Variants in ARHGAP42 observed in about 807,000 individuals in gnomAD.
ARHGAP42 encodes the protein Rho GTPase activating protein 42, also known as rho GTPase-activating protein 42.
In ARHGAP42, 63 loss-of-function variants were observed where a neutral mutation model predicts 125.0. That is an observed-to-expected ratio of 0.50 (90% CI 0.41 to 0.62). The LOEUF (loss-of-function observed/expected upper bound fraction) is 0.62, where lower values mean the gene tolerates loss of function less well. Ranked by LOEUF, ARHGAP42 falls within the 20% of genes least tolerant of loss-of-function variation. The probability of loss-of-function intolerance (pLI) is 0.00; values close to 1 mark genes in which losing one functional copy is unlikely to be tolerated. For synonymous variants in ARHGAP42, 339 were observed against 351.0 expected (o/e 0.97, Z 0.38); for missense variants, 766 against 1,024.2 (o/e 0.75, Z 3.44).
intron 2 of ARHGAP42, among the ~76,000 whole-genome samples, chr11:100,776,909 G>C (rs1007462050): frequency 6.6e-6 from 1 of 151,458 alleles, no homozygotes; most frequent in Admixed American, 6.6e-5. Flanking sequence ...CTTGAACCCG[G>C]GAGGTGGAGG....
intron 1 of ARHGAP42, among the ~76,000 whole-genome samples, chr11:100,729,840 T>C (rs1405833324): frequency 6.6e-6 from 1 of 151,398 alleles, no homozygotes; most frequent in Admixed American, 6.6e-5. Flanking sequence ...AGACAGAGTT[T>C]TGCTCTTGTT....
At chr11:100,752,379 C>T (rs1033935456) in intron 1 of ARHGAP42, among the ~76,000 whole-genome samples, 3 of 152,134 alleles carry the variant, frequency 2.0e-5, no homozygotes, top group Non-Finnish European at 4.4e-5. Flanking sequence ...CTAGCTGAGC[C>T]CAGCGCTGCA....
chr11:100,842,303 C>T (rs1864962274), intron 3 of ARHGAP42, among the ~76,000 whole-genome samples: 1 of 152,116 alleles, frequency 6.6e-6, no homozygotes, highest in Non-Finnish European at 1.5e-5. Flanking sequence ...ATGAACTTGA[C>T]CTACAATAAA....
intron 4 of ARHGAP42, among the ~76,000 whole-genome samples, chr11:100,872,211 A>G (rs910586694): frequency 6.6e-6 from 1 of 152,198 alleles, no homozygotes. Flanking sequence ...GTGTATTTAT[A>G]TTGATCAGTA....
At chr11:100,785,392 A>T (rs1473696929) in intron 2 of ARHGAP42, among the ~76,000 whole-genome samples, 1 of 152,170 alleles carries the variant, frequency 6.6e-6, no homozygotes, top group African/African-American at 2.4e-5. Flanking sequence ...CACTGTGGGA[A>T]ATAAGATTAG....
At chr11:100,849,892 G>A (rs1019148152) in intron 3 of ARHGAP42, among the ~76,000 whole-genome samples, 1 of 152,126 alleles carries the variant, frequency 6.6e-6, no homozygotes, top group Non-Finnish European at 1.5e-5. Context: ...AAGTGAACTA[G>A]GAAAAGGTAA....
rs1857649093 is a variant in ARHGAP42, at chr11:100,951,486, T to C, written c.1162+1530T>C. 3.9e-5 allele frequency among the ~76,000 whole-genome samples: 6 copies of C among 152,308 alleles called. No individual in the cohort carries two copies. The South Asian group carries it at 1.2e-3, about 32-fold the overall frequency. ...TGTTTTCTAACATTAGTTTGATTGT[T>C]GATATGCACTATAAGGTTAGTCCTT... On this transcript the variant is annotated intron_variant, in intron 12 of 23. Transcript: ENST00000298815.
intron 4 of ARHGAP42, among the ~76,000 whole-genome samples, chr11:100,885,935 C>T (rs931749380): frequency 6.6e-6 from 1 of 152,162 alleles, no homozygotes; most frequent in Non-Finnish European, 1.5e-5. Context: ...ACTGTTTCCC[C>T]GTAATTGCAT....
chr11:100,992,182 G>A lies in ARHGAP42; in HGVS notation c.*3381G>A, dbSNP rs1259894585. The A allele has an allele frequency of 2.0e-6, 2 of 1,007,878 alleles. No homozygotes were observed. Among genetic ancestry groups the A allele is most frequent in the Non-Finnish European group, 2.9e-6 (2 of 700,772 alleles). 62.4% of individuals were successfully genotyped at this position (1,007,878 alleles called of 1,614,324 possible). On this transcript the variant is annotated 3_prime_UTR_variant, in exon 24 of 24. Transcript: ENST00000298815. ...GTGATACCTTAAATCATGTATTCAG[G>A]ATGCCTTCTTTAGCATTTAGAACCC...
At chr11:100,918,833 C>T (rs76122058) in intron 5 of ARHGAP42, among the ~76,000 whole-genome samples, 7,003 of 152,238 alleles carry the variant, frequency 0.046, 316 homozygotes, top group East Asian at 0.25. Flanking sequence ...ATTTCTCTTT[C>T]ATCCTTTCTT....
chr11:100,783,463 G>T (rs1180039024), intron 2 of ARHGAP42, among the ~76,000 whole-genome samples: 3 of 152,098 alleles, frequency 2.0e-5, no homozygotes, highest in African/African-American at 7.2e-5. Context: ...AAAATCAACA[G>T]TAGACTTGTG....
chr11:100,725,760 A>AC (rs1467509983), intron 1 of ARHGAP42, among the ~76,000 whole-genome samples: 2 of 151,604 alleles, frequency 1.3e-5, no homozygotes, highest in Non-Finnish European at 2.9e-5. Context: ...ACACAGTGAA[A>AC]CCCCCTCTGT....
intron 3 of ARHGAP42, among the ~76,000 whole-genome samples, chr11:100,807,885 T>C (rs1346105305): frequency 6.6e-6 from 1 of 152,228 alleles, no homozygotes; most frequent in Non-Finnish European, 1.5e-5. Flanking sequence ...TCACTTTCCA[T>C]TGGTACAGTT....
chr11:100,852,596 C>G (rs1434676517), intron 3 of ARHGAP42, among the ~76,000 whole-genome samples: 1 of 152,148 alleles, frequency 6.6e-6, no homozygotes, highest in East Asian at 1.9e-4. Flanking sequence ...CTTTCCCCCA[C>G]TCTAAGTTAG....
chr11:100,955,360 CAT>C (rs1004187681), intron 12 of ARHGAP42, among the ~76,000 whole-genome samples: 21 of 152,200 alleles, frequency 1.4e-4, no homozygotes, highest in African/African-American at 4.8e-4. Context: ...TTCTAATTCT[CAT>C]ATTACAGAAT....
chr11:100,993,027 A>T lies in ARHGAP42; in HGVS notation c.*4226A>T, dbSNP rs117126817. The T allele has an allele frequency of 4.0e-4, 97 of 242,984 alleles. No individual in the cohort carries two copies. In the East Asian group the frequency reaches 9.0e-3, roughly 23 times the overall value. The allele number at this position is 242,984 out of a possible 1,614,324, so 15.1% of individuals were successfully genotyped here. On this transcript the variant is annotated 3_prime_UTR_variant, in exon 24 of 24. Transcript: ENST00000298815. The stretch of plus-strand genomic sequence containing the variant: ...CCAGAGACCATTTTCATTTACTGCC[A>T]TCATAAATATTCTCCACCATTCAAG...
At chr11:100,701,326 G>T (rs11224399) in intron 1 of ARHGAP42, among the ~76,000 whole-genome samples, 2 of 152,128 alleles carry the variant, frequency 1.3e-5, no homozygotes, top group Non-Finnish European at 2.9e-5. Flanking sequence ...CTTCAACTTA[G>T]TGTCACCAGC....
chr11:100,985,948 G>A (rs1591342343), intron 22 of ARHGAP42: 3 of 421,886 alleles, frequency 7.1e-6, no homozygotes, highest in South Asian at 1.7e-5. Context: ...TGCTGCTGAC[G>A]CTGCTTTGCA....
rs555808808 is a variant in ARHGAP42, at chr11:100,698,139, C to T, written c.154+10307C>T. ...CTTCTAGCCTCAAGCCATCCTCCCA[C>T]CTCAGCCTCCCAAAGTGTTGAGATT... On this transcript the variant is annotated intron_variant, in intron 1 of 23. Transcript: ENST00000298815. 3.7e-4 allele frequency among the ~76,000 whole-genome samples: 56 copies of T among 152,288 alleles called. 2 individuals carry two copies. Among genetic ancestry groups the T allele is most frequent in the African/African-American group, 7.2e-4 (30 of 41,562 alleles).
Sources: gnomAD v4.1 joint callset for allele counts (sites outside exome capture counted in the v4.1 genomes callset) on GRCh38, gnomAD v4.1.1 for gene constraint, MANE v1.5 for transcripts, NCBI Gene and HGNC (gene_info 2026-07-23, HGNC 2026-07-21) for gene names.